The following AFF3 variants were observed in gnomAD, a reference collection of about 807,000 sequenced individuals.
The protein encoded by AFF3 is ALF transcription elongation factor 3.
AFF3 carries 32 observed loss-of-function variants against 129.7 expected under a neutral mutation model. That is an observed-to-expected ratio of 0.25 (90% CI 0.19 to 0.33). The LOEUF (loss-of-function observed/expected upper bound fraction) is 0.33, where lower values mean the gene tolerates loss of function less well. Ranked by LOEUF, AFF3 falls within the 10% of genes least tolerant of loss-of-function variation. The pLI is 1.00. For synonymous variants in AFF3, 644 were observed against 635.4 expected, an observed-to-expected ratio of 1.01 and a Z score of -0.20; for missense variants, 1,373 against 1,592.0, an observed-to-expected ratio of 0.86 and a Z score of 2.34.
At chr2:99,582,102 G>A (rs971819272) in intron 17 of AFF3, among the ~76,000 whole-genome samples, 3 of 152,048 alleles carry the variant, frequency 2.0e-5, no homozygotes, top group Admixed American at 2.0e-4. Context: ...CGATCCGCCC[G>A]CCGCAGCCTC....
At chr2:99,972,410 G>A (rs1389377103) in intron 7 of AFF3, among the ~76,000 whole-genome samples, 1 of 152,210 alleles carries the variant, frequency 6.6e-6, no homozygotes, top group Non-Finnish European at 1.5e-5. Context: ...TTCCCTCCCT[G>A]GTCTGCACAG....
At chr2:99,941,249 C>A (rs1028311811) in intron 7 of AFF3, among the ~76,000 whole-genome samples, 1 of 152,154 alleles carries the variant, frequency 6.6e-6, no homozygotes, top group Non-Finnish European at 1.5e-5. Context: ...AAGAAAACAA[C>A]GATCTCAGCA....
intron 7 of AFF3, among the ~76,000 whole-genome samples, chr2:99,973,422 C>T (rs1678581123): frequency 6.6e-6 from 1 of 152,222 alleles, no homozygotes; most frequent in Non-Finnish European, 1.5e-5. Context: ...ACTGGCTCCA[C>T]TTTCCCACCA....
intron 18 of AFF3, chr2:99,572,534 GA>G: frequency 2.2e-6 from 1 of 450,968 alleles, no homozygotes; most frequent in Non-Finnish European, 4.5e-6. Context: ...AACTGGCAGG[GA>G]TGAGAGCTCA....
intron 7 of AFF3, among the ~76,000 whole-genome samples, chr2:99,976,569 C>CA (rs1157721096): frequency 6.6e-6 from 1 of 152,126 alleles, no homozygotes; most frequent in African/African-American, 2.4e-5. Flanking sequence ...TTGTTTCTCT[C>CA]AATAGCCCCT....
At chr2:99,639,226 A>T (rs1212578966) in intron 13 of AFF3, among the ~76,000 whole-genome samples, 2 of 152,200 alleles carry the variant, frequency 1.3e-5, no homozygotes, top group African/African-American at 2.4e-5. Context: ...TACCTGATAG[A>T]ACTCAATGGC....
At chr2:100,126,693 A>G (rs1431512293) in intron 2 of AFF3, among the ~76,000 whole-genome samples, 1 of 152,198 alleles carries the variant, frequency 6.6e-6, no homozygotes, top group Non-Finnish European at 1.5e-5. Context: ...TTCCCCCTTG[A>G]GAAACTCAAA....
chr2:100,014,954 A>ATTTTTTTTTTTTTT (rs562822524), intron 4 of AFF3, among the ~76,000 whole-genome samples: 12 of 121,652 alleles, frequency 9.9e-5, no homozygotes, highest in African/African-American at 2.6e-4. Context: ...CAGCCAGCTA[A>ATTTTTTTTTTTTTT]TTTTTTTTTT....
At chr2:99,958,772 T>C (rs757071823) in intron 7 of AFF3, among the ~76,000 whole-genome samples, 33 of 151,958 alleles carry the variant, frequency 2.2e-4, no homozygotes, top group Non-Finnish European at 3.5e-4. Flanking sequence ...GAGAAACAGA[T>C]AGGATTTTGG....
rs533259718 is a variant in AFF3 at position 100,000,530 on chromosome 2, AC to A, written c.873+6101del. On this transcript the variant is annotated intron_variant, in intron 7 of 24. Coordinates refer to ENST00000672756, the MANE Select transcript of AFF3 (RefSeq NM_001386135.1). The stretch of plus-strand genomic sequence containing the variant: ...CACGCGCGCACACACACACACACAC[AC>A]ATACACAAACATAAAATCACTCTCA... 5.0e-3 allele frequency among the ~76,000 whole-genome samples: 760 copies of A among 152,158 alleles called. 11 individuals carry two copies. The highest frequency in any genetic ancestry group is 0.018 in the African/African-American group (733 of 41,524).
Position 100,069,592 on chromosome 2 carries a change from AG to A in AFF3, c.53+34809del, listed in dbSNP as rs1394696949. On this transcript the variant is annotated intron_variant, in intron 4 of 24. Transcript: ENST00000672756. ...TAAGAGCATTCACTGATTAAAAATGAGGACAGAATGGCTTACATAGAGTTAA... is the reference window on the plus strand; with the variant it reads ...TAAGAGCATTCACTGATTAAAAATGAGACAGAATGGCTTACATAGAGTTAA... Among the ~76,000 whole-genome samples the A allele has an allele frequency of 7.2e-5, 11 of 152,334 alleles. No homozygotes were observed. The South Asian group carries it at 1.9e-3, about 26-fold the overall frequency.
chr2:99,723,958 G>C (rs1335710076), intron 11 of AFF3, among the ~76,000 whole-genome samples: 2 of 152,126 alleles, frequency 1.3e-5, no homozygotes, highest in African/African-American at 4.8e-5. Flanking sequence ...AGAGGCCGGG[G>C]ATAACTCCTC....
chr2:99,863,071 C>G (rs10169600), intron 7 of AFF3, among the ~76,000 whole-genome samples: 397 of 152,340 alleles, frequency 2.6e-3, no homozygotes, highest in African/African-American at 8.9e-3. Flanking sequence ...ACTAATTCAT[C>G]CTTCTAGACA....
chr2:99,749,759 T>G (rs1031040034), intron 9 of AFF3, among the ~76,000 whole-genome samples: 10 of 152,208 alleles, frequency 6.6e-5, no homozygotes, highest in African/African-American at 2.4e-4. Flanking sequence ...CCTTAACTAT[T>G]TACTATATGA....
At chr2:99,622,828 GC>G (rs1558658178) in intron 13 of AFF3, among the ~76,000 whole-genome samples, 1 of 152,226 alleles carries the variant, frequency 6.6e-6, no homozygotes, top group Non-Finnish European at 1.5e-5. Flanking sequence ...GCAGAGTCAG[GC>G]CCTGGCTGGG....
At chr2:99,864,147 C>T (rs1327029383) in intron 7 of AFF3, among the ~76,000 whole-genome samples, 1 of 152,194 alleles carries the variant, frequency 6.6e-6, no homozygotes, top group Non-Finnish European at 1.5e-5. Flanking sequence ...ATCTAGCTTT[C>T]CCGTGCTTAT....
At chr2:99,661,463 T>C (rs1686224020) in intron 12 of AFF3, among the ~76,000 whole-genome samples, 1 of 152,246 alleles carries the variant, frequency 6.6e-6, no homozygotes, top group African/African-American at 2.4e-5. Flanking sequence ...TTGCCCAAAT[T>C]TGATGGATCA....
chr2:99,594,620 G>T (rs1359470342), intron 14 of AFF3, among the ~76,000 whole-genome samples: 1 of 152,134 alleles, frequency 6.6e-6, no homozygotes, highest in African/African-American at 2.4e-5. Flanking sequence ...ATAATTATAT[G>T]TACATATGTA....
chr2:99,652,356 A>G (rs972500761), intron 12 of AFF3, among the ~76,000 whole-genome samples: 2 of 152,132 alleles, frequency 1.3e-5, no homozygotes, highest in Non-Finnish European at 2.9e-5. Context: ...GGGATCAATA[A>G]TGGCAGTAGT....
Sources: gnomAD v4.1 joint callset for allele counts (sites outside exome capture counted in the v4.1 genomes callset) on GRCh38, gnomAD v4.1.1 for gene constraint, MANE v1.5 for transcripts, NCBI Gene and HGNC (gene_info 2026-07-23, HGNC 2026-07-21) for gene names.